Variants in DOCK9 observed in about 807,000 individuals in gnomAD.
The protein encoded by DOCK9 is dedicator of cytokinesis protein 9.
Under a neutral mutation model 263.3 loss-of-function variants are expected in DOCK9, and 89 were observed. The ratio of observed to expected loss-of-function variants is 0.34; its 90% CI spans 0.28 to 0.40. The LOEUF is 0.40. DOCK9 is among the 10% of genes least tolerant of loss of function. DOCK9 has a pLI of 1.00. For missense variants in DOCK9, 2,140 were observed against 2,603.4 expected (o/e 0.82, Z 3.87); for synonymous variants, 976 against 973.1 (o/e 1.00, Z -0.06).
chr13:98,970,532 C>T (rs1403142136), intron 1 of DOCK9, among the ~76,000 whole-genome samples: 1 of 152,168 alleles, frequency 6.6e-6, no homozygotes, highest in East Asian at 1.9e-4. Context: ...TGCTGCCTTT[C>T]CCTTGGCAGT....
At chr13:98,979,180 A>G (rs373596307), upstream of DOCK9, among the ~76,000 whole-genome samples, 292 of 132,806 alleles carry the variant, frequency 2.2e-3, no homozygotes, top group African/African-American at 7.5e-3. Context: ...AGCAGCAGCA[A>G]TAGTAGTAGT....
intron 49 of DOCK9, among the ~76,000 whole-genome samples, chr13:98,803,773 G>A (rs1430543599): frequency 6.6e-6 from 1 of 152,092 alleles, no homozygotes; most frequent in African/African-American, 2.4e-5. Flanking sequence ...TGTTTGTGAG[G>A]ACAATATTAT....
In DOCK9 at chr13:98,867,493, T is replaced by C. The variant is rs373344060; in HGVS notation, c.3218A>G (p.Asn1073Ser). Residue 1073 changes from asparagine to serine, a missense_variant, in exon 30 of 53, where the codon AAC becomes AGC. Physicochemically the swap from Asn to Ser is conservative, Grantham distance 46 (BLOSUM62 1). Around this residue, in one of 2 missense-constraint regions of DOCK9, gnomAD observed 1,521 missense variants for 1,741.7 expected, o/e 0.87. Coordinates refer to ENST00000682017, the MANE Select transcript of DOCK9 (RefSeq NM_001366683.2). ...YKFEFLRVVC[N>S]HEHYIPLNLP... ...GTTCAACGGAATATAATGTTCATGG[T>C]TGCACACTACACGGAGAAATTCAAA... The C allele has an allele frequency of 1.6e-5, 26 of 1,612,772 alleles. No individual in the cohort carries two copies. In the African/African-American group the frequency reaches 2.1e-4, roughly 13 times the overall value.
intron 1 of DOCK9, among the ~76,000 whole-genome samples, chr13:98,997,012 C>G (rs1179744701): frequency 6.6e-6 from 1 of 152,174 alleles, no homozygotes; most frequent in Non-Finnish European, 1.5e-5. Flanking sequence ...CATGTGCTCC[C>G]CTCTCACAAC....
At chr13:98,979,411 G>T (rs900758834), upstream of DOCK9, among the ~76,000 whole-genome samples, 1 of 152,138 alleles carries the variant, frequency 6.6e-6, no homozygotes, top group African/African-American at 2.4e-5. Flanking sequence ...AGGGCTCAGA[G>T]GAGGCAGTGG....
At chr13:99,050,778 C>T (rs1256769948) in intron 1 of DOCK9, among the ~76,000 whole-genome samples, 3 of 152,182 alleles carry the variant, frequency 2.0e-5, no homozygotes, top group Non-Finnish European at 4.4e-5. Context: ...TCCATCTATC[C>T]CCTAGAGCAG....
chr13:99,056,398 T>C (rs1477843683), intron 1 of DOCK9, among the ~76,000 whole-genome samples: 1 of 152,190 alleles, frequency 6.6e-6, no homozygotes, highest in African/African-American at 2.4e-5. Context: ...TAAGGTTACA[T>C]ACTAAATATG....
chr13:99,067,985 GC>G (rs1402750154), intron 1 of DOCK9, among the ~76,000 whole-genome samples: 1 of 150,760 alleles, frequency 6.6e-6, no homozygotes, highest in African/African-American at 2.4e-5. Flanking sequence ...AGTTCCCTAA[GC>G]CTACAGAAAG....
At chr13:98,922,225 G>A (rs1369002624) in intron 5 of DOCK9, 79 bp from the exon 6 acceptor site, 11 of 1,045,964 alleles carry the variant, frequency 1.1e-5, no homozygotes, top group Non-Finnish European at 1.6e-5. Context: ...TCAATGGGAA[G>A]GTCATTCCCT....
intron 1 of DOCK9, among the ~76,000 whole-genome samples, chr13:99,023,021 T>A (rs1015860973): frequency 6.6e-6 from 1 of 152,152 alleles, no homozygotes; most frequent in African/African-American, 2.4e-5. Context: ...GGTAGAAATG[T>A]AAAATAGTGC....
intron 1 of DOCK9, among the ~76,000 whole-genome samples, chr13:99,061,298 C>CA (rs1313954659): frequency 6.6e-6 from 1 of 151,980 alleles, no homozygotes; most frequent in African/African-American, 2.4e-5. Context: ...TCTCCTCCCC[C>CA]AAAAAAACAT....
chr13:98,819,188 G>A (rs907311022), intron 45 of DOCK9, among the ~76,000 whole-genome samples: 2 of 152,144 alleles, frequency 1.3e-5, no homozygotes, highest in African/African-American at 2.4e-5. Flanking sequence ...TCTGGGTTTG[G>A]GGGGTAAGGA....
intron 1 of DOCK9, among the ~76,000 whole-genome samples, chr13:99,022,799 T>C (rs1886274608): frequency 1.3e-5 from 2 of 152,048 alleles, no homozygotes; most frequent in African/African-American, 2.4e-5. Context: ...AATTTGAAAA[T>C]TGGCTGGATG....
chr13:98,820,106 G>GT (rs1221926177), intron 45 of DOCK9, among the ~76,000 whole-genome samples: 1 of 152,218 alleles, frequency 6.6e-6, no homozygotes, highest in Non-Finnish European at 1.5e-5. Flanking sequence ...GCAAGGTTCA[G>GT]TTCCTGGGAG....
At chr13:98,857,265 G>C (rs1484475097) in intron 33 of DOCK9, 1 of 152,166 alleles carries the variant, frequency 6.6e-6, no homozygotes, top group African/African-American at 2.4e-5. Flanking sequence ...ACAACAGGCT[G>C]GTTGTTTTCA....
intron 1 of DOCK9, among the ~76,000 whole-genome samples, chr13:98,987,642 G>C (rs1402098682): frequency 6.6e-6 from 1 of 152,212 alleles, no homozygotes; most frequent in African/African-American, 2.4e-5. Flanking sequence ...AGGTGAGCAA[G>C]AAAAACATTT....
At chr13:98,807,902 A>T in intron 47 of DOCK9, 95 bp from the exon 48 acceptor site, 1 of 1,067,880 alleles carries the variant, frequency 9.4e-7, no homozygotes, top group South Asian at 2.5e-5. Context: ...GAAAAAAAGG[A>T]ATGGGTCTAA....
At chr13:98,978,751 A>G (rs1567162201), upstream of DOCK9, among the ~76,000 whole-genome samples, 1 of 152,196 alleles carries the variant, frequency 6.6e-6, no homozygotes, top group Non-Finnish European at 1.5e-5. Flanking sequence ...AGAACTTCAC[A>G]TCTAGCTGGG....
chr13:98,798,434 G>A (rs745598369), intron 50 of DOCK9, among the ~76,000 whole-genome samples: 5 of 152,226 alleles, frequency 3.3e-5, no homozygotes, highest in Non-Finnish European at 5.9e-5. Flanking sequence ...GGGGACCTCT[G>A]AGCCGGGGGC....
Sources: allele counts gnomAD v4.1 joint callset (sites outside exome capture counted in the v4.1 genomes callset), GRCh38; gene constraint gnomAD v4.1.1; regional missense constraint gnomAD v4.1.1; transcripts MANE v1.5; gene names NCBI Gene and HGNC (gene_info 2026-07-23, HGNC 2026-07-21).